Variants in DNER observed in about 807,000 individuals in gnomAD.
The protein encoded by DNER is delta/notch like EGF repeat containing.
DNER carries 33 observed loss-of-function variants against 78.2 expected under a neutral mutation model. The ratio of observed to expected loss-of-function variants is 0.42; its 90% CI spans 0.32 to 0.56. DNER has a LOEUF of 0.56. DNER is among the 20% of genes least tolerant of loss of function. DNER has a pLI of 0.11. For missense variants in DNER, 918 were observed against 975.3 expected (o/e 0.94, Z 0.78); for synonymous variants, 417 against 384.8 (o/e 1.08, Z -0.98).
chr2:229,399,323 T>C (rs1199688146), intron 10 of DNER, among the ~76,000 whole-genome samples: 3 of 143,682 alleles, frequency 2.1e-5, no homozygotes, highest in African/African-American at 5.0e-5. Context: ...CACACACACA[T>C]GCATATATAC....
intron 7 of DNER, among the ~76,000 whole-genome samples, chr2:229,453,409 G>T (rs1694501259): frequency 6.6e-6 from 1 of 152,172 alleles, no homozygotes; most frequent in South Asian, 2.1e-4. Context: ...TTGTTCAATA[G>T]TCATTAAATA....
At chr2:229,598,523 T>C (rs17677744) in intron 1 of DNER, among the ~76,000 whole-genome samples, 6,429 of 152,302 alleles carry the variant, frequency 0.042, 185 homozygotes, top group East Asian at 0.12. Flanking sequence ...GGATCCTTTG[T>C]TTGATTGAGG....
At chr2:229,465,676 T>C (rs1181260879) in intron 7 of DNER, among the ~76,000 whole-genome samples, 1 of 152,188 alleles carries the variant, frequency 6.6e-6, no homozygotes, top group Non-Finnish European at 1.5e-5. Flanking sequence ...CACTTAGTGA[T>C]TTGTATGTAT....
intron 4 of DNER, among the ~76,000 whole-genome samples, chr2:229,574,730 C>T (rs1403438355): frequency 1.3e-5 from 2 of 151,964 alleles, no homozygotes; most frequent in Admixed American, 6.6e-5. Context: ...TTGAGAGAAA[C>T]GCATACTTCT....
intron 7 of DNER, among the ~76,000 whole-genome samples, chr2:229,465,200 A>C (rs1392765062): frequency 6.6e-6 from 1 of 152,206 alleles, no homozygotes; most frequent in Non-Finnish European, 1.5e-5. Context: ...TCAATGATAG[A>C]CTAGACAAAG....
At chr2:229,648,461 CT>C (rs1443474734) in intron 1 of DNER, among the ~76,000 whole-genome samples, 7 of 152,186 alleles carry the variant, frequency 4.6e-5, no homozygotes, top group African/African-American at 7.2e-5. Context: ...CTATTTAGAG[CT>C]TTCTCTTTGC....
rs35720839 is a variant in DNER at position 229,358,634 on chromosome 2, C to A, written c.2120G>T (p.Arg707Leu). The A allele has an allele frequency of 3.1e-6, 5 of 1,613,190 alleles. No individual in the cohort carries two copies. The highest frequency in any genetic ancestry group is 2.7e-5 in the African/African-American group (2 of 74,896). Reference sequence around the variant, plus strand: ...GGGGCTCACATCATACATTGCAGGCCGGGATTTCTTTCCAAACCTGAAATC... The same window carrying A: ...GGGGCTCACATCATACATTGCAGGCAGGGATTTCTTTCCAAACCTGAAATC... ...IRHARFGKKSRPAMYDVSPIA... is the reference protein window; with the variant it reads ...IRHARFGKKSLPAMYDVSPIA... The change falls in exon 13 of 13, where the codon CGG becomes CTG. Residue 707 changes from arginine to leucine, a missense_variant. By Grantham distance (102) the Arg-to-Leu change is moderately radical (BLOSUM62 -2). Coordinates refer to ENST00000341772, the MANE Select transcript of DNER (RefSeq NM_139072.4).
chr2:229,385,071 C>G (rs1457761622), intron 11 of DNER, among the ~76,000 whole-genome samples: 1 of 150,450 alleles, frequency 6.6e-6, no homozygotes, highest in African/African-American at 2.4e-5. Flanking sequence ...CACTGTACTC[C>G]AGTCTGGGCA....
rs1697811881 is a variant in DNER, at chr2:229,600,808, A to G, written c.277-8920T>C. Among the ~76,000 whole-genome samples, 3 of 152,192 alleles carry G rather than the reference A, an allele frequency of 2.0e-5. No individual in the cohort carries two copies. The South Asian group carries it at 6.2e-4, about 32-fold the overall frequency. On this transcript the variant is annotated intron_variant, in intron 1 of 12. Coordinates refer to ENST00000341772, the MANE Select transcript of DNER (RefSeq NM_139072.4). ...TGAGCAACCCATGCCAAGGCTAAAT[A>G]TAGAACTAGGTGGACCCATGGAAGA... is the stretch of plus-strand genomic sequence containing the variant.
In DNER at chr2:229,557,885, C is replaced by A. The variant is rs191679300; in HGVS notation, c.848-10793G>T. ...CAGCAATCCATTGCTGGGTATATAG[C>A]CAAAGAAATATAGATTATTCTATTA... On this transcript the variant is annotated intron_variant, in intron 4 of 12. Coordinates refer to ENST00000341772, the MANE Select transcript of DNER (RefSeq NM_139072.4). Among the ~76,000 whole-genome samples the A allele has an allele frequency of 1.4e-4, 22 of 152,174 alleles. No individual in the cohort carries two copies. In the East Asian group the frequency reaches 4.3e-3, roughly 29 times the overall value.
intron 1 of DNER, among the ~76,000 whole-genome samples, chr2:229,696,259 CT>C (rs1319131685): frequency 2.0e-5 from 3 of 152,164 alleles, no homozygotes; most frequent in African/African-American, 4.8e-5. Flanking sequence ...CCCACATGAG[CT>C]AGTTTCTTAA....
Position 229,418,097 on chromosome 2 carries a change from C to A in DNER, c.1609+11G>T, listed in dbSNP as rs373256941. On this transcript the variant is annotated intron_variant, in intron 9 of 12. Coordinates refer to ENST00000341772, the MANE Select transcript of DNER (RefSeq NM_139072.4). ...GCCATTCTGGCACAGGAAGGCCAGG[C>A]GGCCTCTCACCTTTGTATTCTGCCA... The A allele has an allele frequency of 1.9e-6, 3 of 1,614,102 alleles. No individual in the cohort carries two copies. The highest frequency in any genetic ancestry group is 2.2e-5 in the South Asian group (2 of 91,078).
chr2:229,617,843 T>A, intron 1 of DNER, among the ~76,000 whole-genome samples: 1 of 152,136 alleles, frequency 6.6e-6, no homozygotes. Flanking sequence ...TCCCAGCTAC[T>A]TAGGAGGCTG....
intron 12 of DNER, among the ~76,000 whole-genome samples, chr2:229,364,630 G>A (rs188841273): frequency 3.8e-4 from 58 of 152,238 alleles, no homozygotes; most frequent in Admixed American, 1.6e-3. Context: ...CAGCACTGGT[G>A]CAGATGCTCA....
chr2:229,562,034 C>G (rs1025626003), intron 4 of DNER, among the ~76,000 whole-genome samples: 2 of 152,244 alleles, frequency 1.3e-5, no homozygotes, highest in African/African-American at 4.8e-5. Context: ...TGAGAGCACA[C>G]AAGTGTACTC....
chr2:229,495,664 C>A (rs755995535), intron 6 of DNER, among the ~76,000 whole-genome samples: 19 of 152,172 alleles, frequency 1.2e-4, no homozygotes, highest in Non-Finnish European at 2.5e-4. Flanking sequence ...TCTACCAATT[C>A]AAATGTTAAA....
intron 1 of DNER, among the ~76,000 whole-genome samples, chr2:229,630,491 TAA>T (rs1044252178): frequency 6.9e-6 from 1 of 145,550 alleles, no homozygotes; most frequent in Non-Finnish European, 1.5e-5. Context: ...ATAATAATAA[TAA>T]TAATAATAAT....
intron 1 of DNER, among the ~76,000 whole-genome samples, chr2:229,677,717 C>T (rs148776792): frequency 1.5e-3 from 235 of 152,234 alleles, no homozygotes; most frequent in East Asian, 5.2e-3. Context: ...GTCTCTAATA[C>T]GCAGGTGAAA....
At chr2:229,684,145 T>TGTGTGA (rs1699438897) in intron 1 of DNER, among the ~76,000 whole-genome samples, 1 of 123,018 alleles carries the variant, frequency 8.1e-6, no homozygotes, top group Non-Finnish European at 1.7e-5. Flanking sequence ...TCTGTGTATG[T>TGTGTGA]GAGAGAGAGA....
Sources: allele counts gnomAD v4.1 joint callset (sites outside exome capture counted in the v4.1 genomes callset), GRCh38; gene constraint gnomAD v4.1.1; transcripts MANE v1.5; gene names NCBI Gene and HGNC (gene_info 2026-07-23, HGNC 2026-07-21).